The following FRMD4A variants were observed in gnomAD, a reference collection of about 807,000 sequenced individuals.
The protein encoded by FRMD4A is FERM domain containing 4A, also known as FERM domain-containing protein 4A.
A neutral mutation model predicts 129.1 loss-of-function variants in FRMD4A; 29 were observed. The observed-to-expected ratio is 0.22, with a 90% CI of 0.17 to 0.31. FRMD4A has a LOEUF of 0.31. FRMD4A is among the 10% of genes least tolerant of loss of function. The pLI, the probability that FRMD4A is intolerant of heterozygous loss-of-function variation, is 1.00. For synonymous variants in FRMD4A, 634 were observed against 571.6 expected (o/e 1.11, Z -1.56); for missense variants, 1,272 against 1,375.8 (o/e 0.92, Z 1.19).
chr10:14,287,008 T>C (rs1845701316), intron 2 of FRMD4A, among the ~76,000 whole-genome samples: 2 of 152,190 alleles, frequency 1.3e-5, no homozygotes, highest in African/African-American at 4.8e-5. Context: ...ATATTTCGCA[T>C]CACTCTTGGC....
chr10:13,742,910 A>G (rs1297270228), intron 9 of FRMD4A, among the ~76,000 whole-genome samples: 1 of 152,180 alleles, frequency 6.6e-6, no homozygotes, highest in Non-Finnish European at 1.5e-5. Flanking sequence ...TGTTGGGGGT[A>G]ACAGGTTCTA....
intron 2 of FRMD4A, among the ~76,000 whole-genome samples, chr10:14,174,558 A>G (rs1007952442): frequency 2.0e-5 from 3 of 151,536 alleles, no homozygotes; most frequent in Non-Finnish European, 4.4e-5. Flanking sequence ...TCATTCATTC[A>G]TTCATTCGTT....
intron 2 of FRMD4A, among the ~76,000 whole-genome samples, chr10:13,878,281 A>G (rs1261232216): frequency 6.6e-6 from 1 of 151,390 alleles, no homozygotes; most frequent in African/African-American, 2.4e-5. Flanking sequence ...GTTTCCATGA[A>G]AGAAGGAAGG....
At chr10:13,683,080 G>A (rs1460304123) in intron 15 of FRMD4A, among the ~76,000 whole-genome samples, 1 of 151,412 alleles carries the variant, frequency 6.6e-6, no homozygotes, top group African/African-American at 2.4e-5. Context: ...GTGCAGTGGC[G>A]TGATCTCAGC....
chr10:13,901,385 C>G (rs1313018188), intron 2 of FRMD4A, among the ~76,000 whole-genome samples: 1 of 152,056 alleles, frequency 6.6e-6, no homozygotes, highest in Non-Finnish European at 1.5e-5. Flanking sequence ...GGTGGATCTG[C>G]CTTGAACCAG....
At chr10:14,102,904 T>G (rs1213829975) in intron 2 of FRMD4A, among the ~76,000 whole-genome samples, 1 of 152,190 alleles carries the variant, frequency 6.6e-6, no homozygotes, top group African/African-American at 2.4e-5. Context: ...AAATTAGCTC[T>G]CAGTTATATC....
intron 2 of FRMD4A, among the ~76,000 whole-genome samples, chr10:13,993,566 G>C (rs1462647063): frequency 6.6e-6 from 1 of 152,144 alleles, no homozygotes; most frequent in Non-Finnish European, 1.5e-5. Context: ...TTGTTCTATT[G>C]GCTGAAATTG....
chr10:14,281,298 T>C (rs75545349), intron 2 of FRMD4A, among the ~76,000 whole-genome samples: 1 of 152,340 alleles, frequency 6.6e-6, no homozygotes, highest in East Asian at 1.9e-4. Context: ...AGCCTGGTTT[T>C]GCTTTAAGAA....
At chr10:14,217,475 TGC>T (rs1181842217) in intron 2 of FRMD4A, among the ~76,000 whole-genome samples, 1 of 152,234 alleles carries the variant, frequency 6.6e-6, no homozygotes, top group African/African-American at 2.4e-5. Flanking sequence ...TCTTGTCTGC[TGC>T]CATGAAAGAT....
rs117792016 is a variant in FRMD4A at position 14,248,051 on chromosome 10, C to T, written c.45+82007G>A. Among the ~76,000 whole-genome samples, 61 of 152,314 alleles carry T rather than the reference C, an allele frequency of 4.0e-4. No individual in the cohort carries two copies. The East Asian group carries it at 0.011, about 28-fold the overall frequency. On this transcript the variant is annotated intron_variant, in intron 2 of 24. Coordinates refer to ENST00000357447, the MANE Select transcript of FRMD4A (RefSeq NM_018027.5). ...GCTGTCCCTACCCCTGGCACCTCAG[C>T]GGGTGCTTCTCTGTTGCTTCCCTCA...
Position 13,713,112 on chromosome 10 carries a change from G to A in FRMD4A, c.760-5999C>T, listed in dbSNP as rs927248685. Among the ~76,000 whole-genome samples, 14 of 152,280 alleles carry A rather than the reference G, an allele frequency of 9.2e-5. 2 individuals are homozygous for A. The South Asian group carries it at 2.1e-3, about 23-fold the overall frequency. On this transcript the variant is annotated intron_variant, in intron 12 of 24. Coordinates refer to ENST00000357447, the MANE Select transcript of FRMD4A (RefSeq NM_018027.5). ...ACTTTGGAGAACCTCGTCTTCCCCCGCTGCCCCTGAGGCTGAGTCACCAAG... is the reference window on the plus strand; with the variant it reads ...ACTTTGGAGAACCTCGTCTTCCCCCACTGCCCCTGAGGCTGAGTCACCAAG...
chr10:14,083,053 G>A (rs1836020882), intron 2 of FRMD4A: 1 of 152,192 alleles, frequency 6.6e-6, no homozygotes. Context: ...AAGATTTGAA[G>A]TTGGGTCTGT....
intron 2 of FRMD4A, among the ~76,000 whole-genome samples, chr10:14,290,269 A>C (rs1845810211): frequency 6.6e-6 from 1 of 152,130 alleles, no homozygotes; most frequent in Non-Finnish European, 1.5e-5. Flanking sequence ...TGAATAACCA[A>C]AGCAGTCTTG....
At chr10:13,957,045 C>T (rs556381585) in intron 2 of FRMD4A, among the ~76,000 whole-genome samples, 3 of 152,164 alleles carry the variant, frequency 2.0e-5, no homozygotes, top group Non-Finnish European at 4.4e-5. Context: ...CTTAGAAAGT[C>T]GTGAAAGGCG....
intron 2 of FRMD4A, among the ~76,000 whole-genome samples, chr10:14,103,116 G>A (rs571943215): frequency 2.9e-4 from 44 of 152,300 alleles, no homozygotes; most frequent in Admixed American, 1.9e-3. Context: ...AAGCCTCTCC[G>A]TCACATAGGT....
chr10:14,300,537 A>G (rs374223986), intron 2 of FRMD4A, among the ~76,000 whole-genome samples: 5 of 152,332 alleles, frequency 3.3e-5, no homozygotes, highest in Admixed American at 2.0e-4. Context: ...AAGTGAGGGA[A>G]ATAAGCACTT....
At chr10:14,258,535 A>G (rs1447371758) in intron 2 of FRMD4A, among the ~76,000 whole-genome samples, 1 of 152,236 alleles carries the variant, frequency 6.6e-6, no homozygotes, top group Non-Finnish European at 1.5e-5. Context: ...TTAAAGTTGA[A>G]CAAACTGATC....
chr10:14,273,059 TAC>T lies in FRMD4A; in HGVS notation c.45+56997_45+56998del, dbSNP rs59318900. On this transcript the variant is annotated intron_variant, in intron 2 of 24. Coordinates refer to ENST00000357447, the MANE Select transcript of FRMD4A (RefSeq NM_018027.5). ...GGCCAAACCCTGTCTTTACCAGAAATACACACACACACACACACACACACACA... is the reference window on the plus strand; with the variant it reads ...GGCCAAACCCTGTCTTTACCAGAAATACACACACACACACACACACACACA... Among the ~76,000 whole-genome samples the T allele has an allele frequency of 8.2e-3, 1,176 of 143,406 alleles. 9 individuals carry two copies. The highest frequency in any genetic ancestry group is 0.012 in the African/African-American group (483 of 38,770). 94.1% of individuals were successfully genotyped at this position (143,406 alleles called of 152,430 possible). A position where few individuals can be genotyped will look rare whatever the true frequency, so the allele number is the denominator to read the frequency against.
chr10:13,781,996 G>A (rs974322008), intron 6 of FRMD4A, among the ~76,000 whole-genome samples: 6 of 152,136 alleles, frequency 3.9e-5, no homozygotes, highest in Non-Finnish European at 7.4e-5. Context: ...TATGCTGCTC[G>A]AGTGAAGGGT....
Sources: gnomAD v4.1 joint callset for allele counts (sites outside exome capture counted in the v4.1 genomes callset) on GRCh38, gnomAD v4.1.1 for gene constraint, MANE v1.5 for transcripts, NCBI Gene and HGNC (gene_info 2026-07-23, HGNC 2026-07-21) for gene names.